Variants in MIPEP observed in about 807,000 individuals in gnomAD.
MIPEP encodes the protein mitochondrial intermediate peptidase.
A neutral mutation model predicts 90.3 loss-of-function variants in MIPEP; 79 were observed. The observed-to-expected ratio is 0.87, with a 90% CI of 0.73 to 1.05. MIPEP has a LOEUF of 1.05. MIPEP is among the 50% of genes least tolerant of loss of function. The pLI, the probability that MIPEP is intolerant of heterozygous loss-of-function variation, is 0.00. For synonymous variants in MIPEP, 334 were observed against 315.8 expected, an observed-to-expected ratio of 1.06 and a Z score of -0.61; for missense variants, 940 against 905.6, an observed-to-expected ratio of 1.04 and a Z score of -0.49.
rs145024057 is a variant in MIPEP, at chr13:23,881,639, G to C, written c.452+60C>G. ...ATGGACAAAACTGCCTACGGCACAAGTCCATGAAACCGGATCACCCAGGAC... is the reference window on the plus strand; with the variant it reads ...ATGGACAAAACTGCCTACGGCACAACTCCATGAAACCGGATCACCCAGGAC... On this transcript the variant is annotated intron_variant, in intron 3 of 18. Transcript: ENST00000382172. 6.6e-4 allele frequency: 934 copies of C among 1,415,682 alleles called. 2 individuals are homozygous for C. Among genetic ancestry groups the C allele is most frequent in the Non-Finnish European group, 8.1e-4 (815 of 1,003,298 alleles). The allele number at this position is 1,415,682 out of a possible 1,614,324, so 87.7% of individuals were successfully genotyped here.
At chr13:23,841,205 T>A in intron 11 of MIPEP, 130 bp downstream of exon 11, 1 of 724,158 alleles carries the variant, frequency 1.4e-6, no homozygotes, top group Non-Finnish European at 2.2e-6. Flanking sequence ...ATTTTTTTTG[T>A]GAAGCAGAAA....
At chr13:23,787,805 G>T (rs1001639452) in intron 16 of MIPEP, among the ~76,000 whole-genome samples, 1 of 152,154 alleles carries the variant, frequency 6.6e-6, no homozygotes, top group Non-Finnish European at 1.5e-5. Context: ...AAGAATTTAG[G>T]CTCTAGGGAA....
chr13:23,791,200 C>G (rs1297277789), intron 16 of MIPEP, among the ~76,000 whole-genome samples: 1 of 152,142 alleles, frequency 6.6e-6, no homozygotes, highest in African/African-American at 2.4e-5. Flanking sequence ...TTGGACTATA[C>G]TCTACATTCA....
chr13:23,833,698 G>A (rs1868879498), intron 14 of MIPEP, among the ~76,000 whole-genome samples: 1 of 152,116 alleles, frequency 6.6e-6, no homozygotes, highest in African/African-American at 2.4e-5. Context: ...ATTGACATTT[G>A]TATATGTGGT....
At chr13:23,858,777 G>T in intron 10 of MIPEP, 83 bp downstream of exon 10, 3 of 1,201,646 alleles carry the variant, frequency 2.5e-6, no homozygotes, top group South Asian at 2.5e-5. Flanking sequence ...TACTGTGGGC[G>T]ACTCAGTGGA....
chr13:23,807,658 A>G (rs1953125518), intron 15 of MIPEP, among the ~76,000 whole-genome samples: 1 of 152,234 alleles, frequency 6.6e-6, no homozygotes, highest in Non-Finnish European at 1.5e-5. Flanking sequence ...GTAACGATGC[A>G]TAAAGATAAT....
chr13:23,816,904 C>CT (rs1227791096), intron 14 of MIPEP, among the ~76,000 whole-genome samples: 2 of 152,206 alleles, frequency 1.3e-5, no homozygotes, highest in African/African-American at 2.4e-5. Context: ...CACTGGGACT[C>CT]TAACAATTCG....
At chr13:23,742,038 G>A (rs763000335) in intron 18 of MIPEP, among the ~76,000 whole-genome samples, 16 of 152,250 alleles carry the variant, frequency 1.1e-4, no homozygotes, top group South Asian at 4.1e-4. Context: ...CAATAGCCCC[G>A]TGGGGCCTTG....
chr13:23,775,135 G>C (rs28592282), intron 16 of MIPEP, among the ~76,000 whole-genome samples: 2 of 150,296 alleles, frequency 1.3e-5, no homozygotes, highest in East Asian at 1.9e-4. Context: ...GTGTGTGTGT[G>C]TGTGTGTGTG....
At chr13:23,760,693 CCA>C in intron 16 of MIPEP, 1 of 450,746 alleles carries the variant, frequency 2.2e-6, no homozygotes, top group Non-Finnish European at 4.6e-6. Context: ...GTTGTTTAAG[CCA>C]CATAGTCTCT....
intron 16 of MIPEP, among the ~76,000 whole-genome samples, chr13:23,795,298 C>T (rs1392182292): frequency 6.6e-6 from 1 of 152,104 alleles, no homozygotes; most frequent in African/African-American, 2.4e-5. Context: ...ATTTAACCCG[C>T]CTGGGGCTCC....
At chr13:23,738,825 C>T (rs991686589) in intron 18 of MIPEP, among the ~76,000 whole-genome samples, 2 of 152,088 alleles carry the variant, frequency 1.3e-5, no homozygotes, top group African/African-American at 4.8e-5. Flanking sequence ...CAACTGGGAG[C>T]CTGTTAGAAA....
intron 16 of MIPEP, among the ~76,000 whole-genome samples, chr13:23,767,860 G>C (rs890949435): frequency 6.6e-6 from 1 of 152,176 alleles, no homozygotes; most frequent in African/African-American, 2.4e-5. Context: ...AGATTAGTAA[G>C]TGTTCCTTCC....
Position 23,730,555 on chromosome 13 carries a change from G to C in MIPEP, c.2045-110C>G, listed in dbSNP as rs1300983551. ...GGAACACTCTGGCTTTCTGAATTAA[G>C]ACTCTGGCTGTATAACCTGAATGCA... On this transcript the variant is annotated intron_variant, in intron 18 of 18. Coordinates refer to ENST00000382172, the MANE Select transcript of MIPEP (RefSeq NM_005932.4). 4 of 713,912 alleles carry C rather than the reference G, an allele frequency of 5.6e-6. No individual in the cohort carries two copies. In the East Asian group the frequency reaches 1.1e-4, roughly 19 times the overall value. 44.2% of individuals were successfully genotyped at this position (713,912 alleles called of 1,614,324 possible).
chr13:23,837,147 C>CT, intron 13 of MIPEP, among the ~76,000 whole-genome samples: 1 of 152,142 alleles, frequency 6.6e-6, no homozygotes, highest in Non-Finnish European at 1.5e-5. Context: ...CTTCATCATA[C>CT]TTTTTAAGCA....
intron 18 of MIPEP, among the ~76,000 whole-genome samples, chr13:23,750,312 T>C (rs895536723): frequency 2.0e-5 from 3 of 152,210 alleles, no homozygotes; most frequent in Non-Finnish European, 2.9e-5. Flanking sequence ...GTCTTTTTTC[T>C]GTTCCAGGAC....
intron 10 of MIPEP, among the ~76,000 whole-genome samples, chr13:23,850,813 A>G (rs1398337289): frequency 2.0e-5 from 3 of 152,276 alleles, no homozygotes; most frequent in Non-Finnish European, 2.9e-5. Flanking sequence ...AAAATTGAAC[A>G]GTAGGAAAGA....
intron 14 of MIPEP, among the ~76,000 whole-genome samples, chr13:23,810,568 T>G (rs1953160754): frequency 6.6e-6 from 1 of 152,230 alleles, no homozygotes; most frequent in Non-Finnish European, 1.5e-5. Flanking sequence ...AACAAGAACT[T>G]TCCTCAATCT....
Position 23,862,336 on chromosome 13 carries a change from C to A in MIPEP, c.1019G>T (p.Arg340Leu). 6.3e-7 allele frequency: 1 copy of A among 1,581,040 alleles called. No homozygotes were observed. Among genetic ancestry groups the A allele is most frequent in the South Asian group, 1.1e-5 (1 of 87,854 alleles). The change falls in exon 9 of 19, where the codon CGA becomes CTA. Residue 340 changes from arginine to leucine, a missense_variant. Physicochemically the swap from Arg to Leu is moderately radical, Grantham distance 102. Transcript: ENST00000382172. ...AGGATTCAGTTTCATTTTCATCCCT[C>A]GTATCATCTCAAAATCTTTCAGAGT... ...ERTLKDFEMI[R>L]GMKMKLNPQN...
Sources: allele counts gnomAD v4.1 joint callset (sites outside exome capture counted in the v4.1 genomes callset), GRCh38; gene constraint gnomAD v4.1.1; transcripts MANE v1.5; gene names NCBI Gene and HGNC (gene_info 2026-07-23, HGNC 2026-07-21).